The following CSF2RA variants were observed in gnomAD, a reference collection of about 807,000 sequenced individuals.
CSF2RA encodes the protein colony stimulating factor 2 receptor subunit alpha.
Under a neutral mutation model 51.6 loss-of-function variants are expected in CSF2RA, and 42 were observed. That is an observed-to-expected ratio of 0.81 (90% confidence interval 0.64 to 1.05). The LOEUF (loss-of-function observed/expected upper bound fraction) is 1.05. CSF2RA is among the 50% of genes least tolerant of loss of function. CSF2RA has a pLI of 0.00. For synonymous variants in CSF2RA, 222 were observed against 193.0 expected, an observed-to-expected ratio of 1.15 and a Z score of -1.24; for missense variants, 530 against 501.1, an observed-to-expected ratio of 1.06 and a Z score of -0.55.
At chrX:1,309,936 G>A (rs760164218), downstream of CSF2RA, 49 of 564,898 alleles carry the variant, frequency 8.7e-5, no homozygotes, top group South Asian at 5.0e-4. Flanking sequence ...TTGGCTGGGC[G>A]CCGTGGCTCA....
chrX:1,321,386 G>A, the CSF2RA span, among the ~76,000 whole-genome samples: 18 of 151,174 alleles, frequency 1.2e-4, no homozygotes, highest in African/African-American at 3.4e-4. Context: ...GGTGAATGGC[G>A]TGAACCCGGG....
At chrX:1,286,682 C>G (rs1241494221) in intron 4 of CSF2RA, among the ~76,000 whole-genome samples, 1 of 152,110 alleles carries the variant, frequency 6.6e-6, no homozygotes, top group Non-Finnish European at 1.5e-5. Context: ...TCACGGGAAC[C>G]GGGAAAGTGC....
rs1470605563 is a variant in CSF2RA, at chrX:1,306,756, GAC to G, written c.1125+1233_1125+1234del. ...ACAAAGACAGAGAGACACAGAGAAA[GAC>G]ACAGAAAAAGAGAGAGAGAGGGAGA... On this transcript the variant is annotated intron_variant, in intron 12 of 12. Coordinates refer to ENST00000381529, the MANE Select transcript of CSF2RA (RefSeq NM_172245.4). 2.6e-5 allele frequency among the ~76,000 whole-genome samples: 4 copies of G among 151,392 alleles called. No homozygotes were observed. In the Admixed American group the frequency reaches 2.6e-4, roughly 10 times the overall value.
At chrX:1,315,324 A>G (rs2084529541), downstream of CSF2RA, among the ~76,000 whole-genome samples, 1 of 152,084 alleles carries the variant, frequency 6.6e-6, no homozygotes, top group South Asian at 2.1e-4. Context: ...AGATGAATAG[A>G]TGTATAGGTA....
Position 1,309,500 on chromosome X carries a change from G to C in CSF2RA, c.*21G>C. 11 of 1,613,968 alleles carry C rather than the reference G, an allele frequency of 6.8e-6. No homozygotes were observed. The highest frequency in any genetic ancestry group is 9.3e-6 in the Non-Finnish European group (11 of 1,179,862). ...CCTGAGACCCAGAGGGTGTAGGAATGGCATGGACATCTCCGCCTCCGCGAC... is the reference window on the plus strand; with the variant it reads ...CCTGAGACCCAGAGGGTGTAGGAATCGCATGGACATCTCCGCCTCCGCGAC... On this transcript the variant is annotated 3_prime_UTR_variant, in exon 13 of 13. Coordinates refer to ENST00000381529, the MANE Select transcript of CSF2RA (RefSeq NM_172245.4).
At chrX:1,274,100 A>T (rs1340569567) in intron 1 of CSF2RA, among the ~76,000 whole-genome samples, 1 of 152,102 alleles carries the variant, frequency 6.6e-6, no homozygotes, top group Non-Finnish European at 1.5e-5. Context: ...GAAGAGAAAA[A>T]AGTATAAGCG....
rs202236836 is a variant in CSF2RA, at chrX:1,305,926, C to CA, written c.1125+405dup. On this transcript the variant is annotated intron_variant, in intron 12 of 12. Transcript: ENST00000381529. Reference sequence around the variant, plus strand: ...TGAAACCCCATCTCTGCTAAAAATACAAAAAATTAGCTGGGTGTGGTGGTG... The same window carrying CA: ...TGAAACCCCATCTCTGCTAAAAATACAAAAAAATTAGCTGGGTGTGGTGGTG... The CA allele has an allele frequency of 4.5e-3, 3,510 of 787,162 alleles. 104 individuals carry two copies. In the African/African-American group the frequency reaches 0.054, roughly 12 times the overall value. The allele number at this position is 787,162 out of a possible 1,614,324, so 48.8% of individuals were successfully genotyped here.
chrX:1,321,470 AAAAT>A, the CSF2RA span, among the ~76,000 whole-genome samples: 1 of 151,514 alleles, frequency 6.6e-6, no homozygotes, highest in African/African-American at 2.4e-5. Context: ...CTCCATCTCA[AAAAT>A]AAATAAATAA....
chrX:1,320,109 A>T, the CSF2RA span, among the ~76,000 whole-genome samples: 1 of 151,732 alleles, frequency 6.6e-6, no homozygotes, highest in African/African-American at 2.4e-5. Flanking sequence ...GTTAGCCAGG[A>T]TGGTCTCGAT....
At chrX:1,319,636 T>C in the CSF2RA span, among the ~76,000 whole-genome samples, 2 of 149,468 alleles carry the variant, frequency 1.3e-5, no homozygotes, top group South Asian at 4.5e-4. Flanking sequence ...AGACTGGTCT[T>C]GACTGCTAGG....
intron 9 of CSF2RA, among the ~76,000 whole-genome samples, chrX:1,300,061 CA>C (rs200534879): frequency 0.086 from 12,893 of 149,812 alleles, 745 homozygotes; most frequent in Non-Finnish European, 0.13. Context: ...ACTAAAAATA[CA>C]ACAAAAATTA....
At chrX:1,314,027 A>T (rs759450942), downstream of CSF2RA, among the ~76,000 whole-genome samples, 4 of 151,838 alleles carry the variant, frequency 2.6e-5, no homozygotes, top group African/African-American at 9.7e-5. Context: ...TTAAATTAAA[A>T]TAAAATTAAA....
At chrX:1,281,100 T>A (rs868375971) in intron 2 of CSF2RA, among the ~76,000 whole-genome samples, 1 of 26,656 alleles carries the variant, frequency 3.8e-5, no homozygotes, top group Non-Finnish European at 6.8e-5. Flanking sequence ...CTGCTCCCCT[T>A]CTCCTCCTCC....
downstream of CSF2RA, among the ~76,000 whole-genome samples, chrX:1,314,934 AC>A (rs1569515129): frequency 2.4e-5 from 2 of 82,646 alleles, no homozygotes; most frequent in African/African-American, 9.5e-5. Context: ...ACCGCACTGC[AC>A]TTGCCCAACC....
chrX:1,282,846 C>G (rs2090201887), intron 3 of CSF2RA, 67 bp downstream of exon 3: 1 of 1,317,886 alleles, frequency 7.6e-7, no homozygotes, highest in Admixed American at 1.7e-5. Flanking sequence ...TCTGGAGACC[C>G]ATCTGGATAC....
the CSF2RA span, among the ~76,000 whole-genome samples, chrX:1,316,787 A>T: frequency 1.3e-5 from 2 of 152,136 alleles, no homozygotes; most frequent in African/African-American, 2.4e-5. Flanking sequence ...CAAGTTCCCT[A>T]ATTCTGTCTT....
At chrX:1,271,760 G>A (rs1386422030) in intron 1 of CSF2RA, among the ~76,000 whole-genome samples, 8 of 151,686 alleles carry the variant, frequency 5.3e-5, no homozygotes, top group South Asian at 2.1e-4. Flanking sequence ...CAAATGATCC[G>A]CTCACCTTGA....
downstream of CSF2RA, among the ~76,000 whole-genome samples, chrX:1,314,596 G>A (rs1193108876): frequency 2.2e-4 from 6 of 27,682 alleles, 1 homozygote; most frequent in African/African-American, 7.7e-4. Context: ...CACTGCACCT[G>A]CCCAACCCCA....
chrX:1,288,990 C>A, intron 6 of CSF2RA, 102 bp downstream of exon 6: 1 of 1,516,922 alleles, frequency 6.6e-7, no homozygotes, highest in South Asian at 1.1e-5. Flanking sequence ...AAGACATGGT[C>A]TTGCTCTGTT....
Sources: allele counts gnomAD v4.1 joint callset (sites outside exome capture counted in the v4.1 genomes callset), GRCh38; gene constraint gnomAD v4.1.1; transcripts MANE v1.5; gene names NCBI Gene and HGNC (gene_info 2026-07-23, HGNC 2026-07-21).